HSDL1: variants seen among roughly 807,000 people sequenced by gnomAD.
The protein encoded by HSDL1 is inactive hydroxysteroid dehydrogenase-like protein 1.
A neutral mutation model predicts 31.5 loss-of-function variants in HSDL1; 29 were observed. That is an observed-to-expected ratio of 0.92 (90% CI 0.69 to 1.26). The LOEUF is 1.26. Ranked by LOEUF, HSDL1 falls within the 50% of genes most tolerant of loss-of-function variation. The pLI is 0.00. For missense variants in HSDL1, 503 were observed against 416.6 expected (o/e 1.21, Z -1.81); for synonymous variants, 222 against 155.2 (o/e 1.43, Z -3.20).
intron 5 of HSDL1, among the ~76,000 whole-genome samples, chr16:84,129,272 C>T (rs1033707033): frequency 6.6e-6 from 1 of 151,418 alleles, no homozygotes; most frequent in Non-Finnish European, 1.5e-5. Flanking sequence ...CCCAGCTACT[C>T]GGGAAGCTGA....
intron 2 of HSDL1, among the ~76,000 whole-genome samples, chr16:84,134,234 C>G (rs1334890770): frequency 1.3e-5 from 2 of 152,152 alleles, no homozygotes; most frequent in African/African-American, 4.8e-5. Flanking sequence ...GGCACGGTAT[C>G]AGAGTTTTCA....
Position 84,123,776 on chromosome 16 carries a change from T to G in HSDL1, c.*854A>C, listed in dbSNP as rs942966345. Reference sequence around the variant, plus strand: ...GGTCAGAGGCTGAGAAATCACTATTTATCCACAAGAATTGCCTTATAAATC... The same window carrying G: ...GGTCAGAGGCTGAGAAATCACTATTGATCCACAAGAATTGCCTTATAAATC... On this transcript the variant is annotated 3_prime_UTR_variant, in exon 6 of 6. Coordinates refer to ENST00000219439, the MANE Select transcript of HSDL1 (RefSeq NM_031463.5). 4 of 152,484 alleles carry G rather than the reference T, an allele frequency of 2.6e-5. No homozygotes were observed. The highest frequency in any genetic ancestry group is 9.6e-5 in the African/African-American group (4 of 41,456). 9.4% of individuals were successfully genotyped at this position (152,484 alleles called of 1,614,324 possible). A position where few individuals can be genotyped will look rare whatever the true frequency, so the allele number is the denominator to read the frequency against.
intron 1 of HSDL1, among the ~76,000 whole-genome samples, chr16:84,137,154 C>T (rs3809618): frequency 1.3e-5 from 2 of 151,992 alleles, no homozygotes; most frequent in African/African-American, 4.8e-5. Flanking sequence ...GAAAGATAAA[C>T]GGAGCAACTG....
rs551793739 is a variant in HSDL1, at chr16:84,123,687, A to C, written c.*943T>G. The stretch of plus-strand genomic sequence containing the variant: ...TGCTACTGGAATGGAATAATATTAC[A>C]TAGAAAAACGTAGGAAAACCAGATA... On this transcript the variant is annotated 3_prime_UTR_variant, in exon 6 of 6. Transcript: ENST00000219439. 1 of 152,636 alleles carries C rather than the reference A, an allele frequency of 6.6e-6. No individual in the cohort carries two copies. Among genetic ancestry groups the C allele is most frequent in the African/African-American group, 2.4e-5 (1 of 41,446 alleles). The allele number at this position is 152,636 out of a possible 1,614,324, so 9.5% of individuals were successfully genotyped here.
chr16:84,143,607 TG>T (rs1372901615), intron 1 of HSDL1, among the ~76,000 whole-genome samples: 2 of 152,140 alleles, frequency 1.3e-5, no homozygotes, highest in East Asian at 3.9e-4. Context: ...TTTTATGTCA[TG>T]CGTAAGTCAT....
chr16:84,126,173 G>A (rs1011147567), intron 5 of HSDL1, among the ~76,000 whole-genome samples: 1 of 151,910 alleles, frequency 6.6e-6, no homozygotes, highest in Admixed American at 6.6e-5. Context: ...ACGCATACGT[G>A]GTTAGTACTC....
intron 1 of HSDL1, among the ~76,000 whole-genome samples, chr16:84,144,011 G>A (rs913173806): frequency 3.3e-5 from 5 of 151,048 alleles, no homozygotes; most frequent in Non-Finnish European, 5.9e-5. Flanking sequence ...GAGCGAGATT[G>A]TCTGAATCAA....
At chr16:84,144,644 A>C (rs887448960) in intron 1 of HSDL1, among the ~76,000 whole-genome samples, 2 of 152,014 alleles carry the variant, frequency 1.3e-5, no homozygotes, top group Non-Finnish European at 2.9e-5. Flanking sequence ...CCGACAAAGG[A>C]GGCGATTGCT....
intron 5 of HSDL1, among the ~76,000 whole-genome samples, chr16:84,126,376 G>C (rs1405741819): frequency 6.6e-6 from 1 of 152,072 alleles, no homozygotes; most frequent in African/African-American, 2.4e-5. Context: ...CAGACATAGG[G>C]CAATGTCTGA....
At chr16:84,142,103 G>T (rs2086774337) in intron 1 of HSDL1, among the ~76,000 whole-genome samples, 1 of 151,928 alleles carries the variant, frequency 6.6e-6, no homozygotes. Flanking sequence ...AATTTTTTTT[G>T]TGTGTGTAGA....
chr16:84,126,565 A>G (rs2086608673), intron 5 of HSDL1, among the ~76,000 whole-genome samples: 1 of 152,232 alleles, frequency 6.6e-6, no homozygotes, highest in Non-Finnish European at 1.5e-5. Context: ...AGATTTGTTC[A>G]GAACCGAATG....
chr16:84,129,341 C>T (rs1429055337), intron 5 of HSDL1, among the ~76,000 whole-genome samples: 1 of 151,904 alleles, frequency 6.6e-6, no homozygotes. Context: ...GATCGCACCA[C>T]TGCACTCCAG....
In HSDL1 at chr16:84,129,569, T is replaced by A; in HGVS notation, c.873A>T (p.Gly291=). 6.2e-7 allele frequency: 1 copy of A among 1,612,874 alleles called. No individual in the cohort carries two copies. Among genetic ancestry groups the A allele is most frequent in the Non-Finnish European group, 8.5e-7 (1 of 1,178,848 alleles). ...STLGISKRTT[G]YWSHSIQFLF... is the part of the protein sequence containing the mutation. ...CTACCTGAATAGAATGGGACCAATA[T>A]CCTGTGGTCCTTTTGGAAATCCCAA... Residue 291 remains glycine (G), a synonymous_variant, in exon 5 of 6, where the codon GGA becomes GGT. Transcript: ENST00000219439.
intron 1 of HSDL1, among the ~76,000 whole-genome samples, chr16:84,141,824 C>G (rs899272163): frequency 6.6e-6 from 1 of 152,076 alleles, no homozygotes; most frequent in East Asian, 1.9e-4. Context: ...TATCTTTTGT[C>G]CTTTCCTTTT....
chr16:84,125,858 C>T (rs536055454), intron 5 of HSDL1, among the ~76,000 whole-genome samples: 17 of 152,292 alleles, frequency 1.1e-4, no homozygotes, highest in African/African-American at 3.9e-4. Context: ...AATCCCAACA[C>T]TTTGGGAGGC....
intron 1 of HSDL1, among the ~76,000 whole-genome samples, chr16:84,144,074 C>T (rs1005534220): frequency 7.0e-6 from 1 of 143,216 alleles, no homozygotes; most frequent in East Asian, 2.0e-4. Flanking sequence ...CCCTCCCTCC[C>T]TCTCTCTCTC....
chr16:84,124,180 A>G lies in HSDL1; in HGVS notation c.*450T>C, dbSNP rs1300367950. ...CACACAGATTTTTCCTAATAGTACC[A>G]GCAATCTTAGTTACAAAATAATACT... On this transcript the variant is annotated 3_prime_UTR_variant, in exon 6 of 6. Coordinates refer to ENST00000219439, the MANE Select transcript of HSDL1 (RefSeq NM_031463.5). The G allele has an allele frequency of 6.1e-6, 1 of 164,724 alleles. No individual in the cohort carries two copies. Among genetic ancestry groups the G allele is most frequent in the African/African-American group, 2.4e-5 (1 of 41,644 alleles). 10.2% of individuals were successfully genotyped at this position (164,724 alleles called of 1,614,324 possible). A position where few individuals can be genotyped will look rare whatever the true frequency, so the allele number is the denominator to read the frequency against.
chr16:84,133,013 A>G (rs2086682617), intron 2 of HSDL1, among the ~76,000 whole-genome samples: 1 of 151,652 alleles, frequency 6.6e-6, no homozygotes, highest in African/African-American at 2.4e-5. Flanking sequence ...CTAAGAAAAT[A>G]CCCAACAATA....
chr16:84,129,919 G>A, intron 4 of HSDL1, 67 bp downstream of exon 4: 2 of 1,523,984 alleles, frequency 1.3e-6, no homozygotes, highest in Non-Finnish European at 1.8e-6. Context: ...CAACAAATCA[G>A]ACCAAACAAC....
Sources: allele counts gnomAD v4.1 joint callset (sites outside exome capture counted in the v4.1 genomes callset), GRCh38; gene constraint gnomAD v4.1.1; transcripts MANE v1.5; gene names NCBI Gene and HGNC (gene_info 2026-07-23, HGNC 2026-07-21).